Variants in WWTR1 observed in about 807,000 individuals in gnomAD.
WWTR1 encodes the protein WW domain containing transcription regulator 1, also known as WW domain-containing transcription regulator protein 1.
Under a neutral mutation model 40.1 loss-of-function variants are expected in WWTR1, and 13 were observed. That is an observed-to-expected ratio of 0.32 (90% confidence interval 0.21 to 0.52). The LOEUF (loss-of-function observed/expected upper bound fraction) is 0.52, where lower values mean the gene tolerates loss of function less well. Among genes scored for constraint, WWTR1 ranks in the 20% least tolerant of loss-of-function variants. WWTR1 has a pLI of 0.97. For missense variants in WWTR1, 436 were observed against 523.1 expected (o/e 0.83, Z 1.63); for synonymous variants, 230 against 210.1 (o/e 1.09, Z -0.82).
In WWTR1 at chr3:149,524,082, C is replaced by T. The variant is rs576128335; in HGVS notation, c.1018+1931G>A. Among the ~76,000 whole-genome samples the T allele has an allele frequency of 8.5e-5, 13 of 152,300 alleles. No homozygotes were observed. The South Asian group carries it at 1.0e-3, about 12-fold the overall frequency. ...ATCTCATGACTCCTCACAACTCTGC[C>T]GTGAGCATATCACTCCCACTTTATG... On this transcript the variant is annotated intron_variant, in intron 6 of 6. Transcript: ENST00000360632.
At chr3:149,522,021 A>ATTTT (rs1040004365) in intron 6 of WWTR1, among the ~76,000 whole-genome samples, 1 of 152,230 alleles carries the variant, frequency 6.6e-6, no homozygotes, top group Non-Finnish European at 1.5e-5. Flanking sequence ...CCTGAGAGAA[A>ATTTT]GAAAAACCCA....
chr3:149,718,979 C>A (rs1177638170), intron 4 of WWTR1, among the ~76,000 whole-genome samples: 2 of 151,774 alleles, frequency 1.3e-5, no homozygotes, highest in Non-Finnish European at 2.9e-5. Flanking sequence ...GTGCTTGTCA[C>A]CACGCCTGGC....
At chr3:149,659,331 A>ATTTTTTTTTTTTTTTTTTTTTTTTTT (rs71138403), upstream of WWTR1, 5 of 106,466 alleles carry the variant, frequency 4.7e-5, no homozygotes, top group African/African-American at 1.9e-4. Flanking sequence ...TTGTGCCTTA[A>ATTTTTTTTTTTTTTTTTTTTTTTTTT]TTTTTTTTTT....
chr3:149,656,757 T>C (rs1296088000), intron 2 of WWTR1, 119 bp downstream of exon 2: 5 of 663,212 alleles, frequency 7.5e-6, no homozygotes, highest in South Asian at 3.4e-5. Context: ...ACGCACCATC[T>C]CTCTCTTTCT....
At chr3:149,690,001 T>C (rs1714765878) in intron 1 of WWTR1, among the ~76,000 whole-genome samples, 1 of 152,196 alleles carries the variant, frequency 6.6e-6, no homozygotes, top group Non-Finnish European at 1.5e-5. Context: ...ATAGTTTTTA[T>C]TAGTTTTCCC....
At chr3:149,581,113 G>C (rs978654464) in intron 2 of WWTR1, among the ~76,000 whole-genome samples, 1 of 152,058 alleles carries the variant, frequency 6.6e-6, no homozygotes, top group African/African-American at 2.4e-5. Context: ...TTCCTCCCAC[G>C]TTGTCATTCT....
At chr3:149,667,004 C>A (rs4681536) in intron 2 of WWTR1, among the ~76,000 whole-genome samples, 59,293 of 152,002 alleles carry the variant, frequency 0.39, 11,741 homozygotes, top group Middle Eastern at 0.55. Context: ...AAATGTATAT[C>A]GAAGCTTAGT....
intron 4 of WWTR1, among the ~76,000 whole-genome samples, chr3:149,721,632 G>A (rs1715759501): frequency 6.6e-6 from 1 of 152,076 alleles, no homozygotes; most frequent in African/African-American, 2.4e-5. Context: ...ACTGGGTTAG[G>A]GTGTAATCTC....
At chr3:149,587,468 C>G (rs1423743559) in intron 2 of WWTR1, among the ~76,000 whole-genome samples, 1 of 152,158 alleles carries the variant, frequency 6.6e-6, no homozygotes, top group African/African-American at 2.4e-5. Flanking sequence ...CAGATGATTC[C>G]TTTATTTATG....
At chr3:149,682,889 C>T (rs1559840090) in intron 1 of WWTR1, among the ~76,000 whole-genome samples, 3 of 152,134 alleles carry the variant, frequency 2.0e-5, no homozygotes, top group Non-Finnish European at 4.4e-5. Context: ...AAGAAGCCAC[C>T]TTCAGTCTTC....
chr3:149,656,764 T>C (rs58118645), intron 2 of WWTR1, 112 bp downstream of exon 2: 27,753 of 448,412 alleles, frequency 0.062, 142 homozygotes, highest in Middle Eastern at 0.13. Context: ...ATCTCTCTCT[T>C]TCTCTCTCTC....
rs1408032464 is a variant in WWTR1, at chr3:149,517,385, TA to T, written c.*3419del. 1.3e-5 allele frequency: 2 copies of T among 152,232 alleles called. No homozygotes were observed. Among genetic ancestry groups the T allele is most frequent in the African/African-American group, 4.8e-5 (2 of 41,452 alleles). 9.4% of individuals were successfully genotyped at this position (152,232 alleles called of 1,614,324 possible). ...AAACTTAAAATAGAAATTTTTATAT[TA>T]CAAAACGTAGAAGTAAAATTTTAAA... On this transcript the variant is annotated 3_prime_UTR_variant, in exon 7 of 7. Coordinates refer to ENST00000360632, the MANE Select transcript of WWTR1 (RefSeq NM_015472.6).
chr3:149,661,738 T>G (rs1236392635), upstream of WWTR1, among the ~76,000 whole-genome samples: 1 of 149,326 alleles, frequency 6.7e-6, no homozygotes, highest in African/African-American at 2.5e-5. Context: ...ATAAAGTTTT[T>G]TTTTTTTTTT....
intron 4 of WWTR1, among the ~76,000 whole-genome samples, chr3:149,720,209 A>AGTTTTTGCCTTAT (rs1715722795): frequency 6.6e-6 from 1 of 152,098 alleles, no homozygotes. Context: ...CATGTCGTGA[A>AGTTTTTGCCTTAT]GTTTTTGCCT....
At chr3:149,612,774 G>A (rs911085514) in intron 2 of WWTR1, among the ~76,000 whole-genome samples, 9 of 152,038 alleles carry the variant, frequency 5.9e-5, no homozygotes, top group African/African-American at 1.5e-4. Context: ...TCCTGCACTC[G>A]TCACGTCTGT....
At position 149,682,085 on chromosome 3, in the gene WWTR1, G is replaced by C. The variant is rs141563446; in HGVS notation, c.-107-12194C>G. 3.7e-3 allele frequency among the ~76,000 whole-genome samples: 559 copies of C among 152,168 alleles called. 10 individuals are homozygous for C. Among genetic ancestry groups the C allele is most frequent in the Non-Finnish European group, 9.6e-4 (65 of 67,996 alleles). On this transcript the variant is annotated intron_variant, in intron 1 of 7. Coordinates refer to the WWTR1 transcript ENST00000465804. The stretch of plus-strand genomic sequence containing the variant: ...AAAATTAAATTTAAATGTAAAAAAA[G>C]ATCAACTTTCTGACTTGCTGTCAGG...
chr3:149,687,228 C>T (rs1714683342), intron 1 of WWTR1, among the ~76,000 whole-genome samples: 1 of 152,106 alleles, frequency 6.6e-6, no homozygotes, highest in South Asian at 2.1e-4. Flanking sequence ...AGCAACTTGC[C>T]CCGCGTGCTT....
chr3:149,615,114 T>A (rs1397098786), intron 2 of WWTR1, among the ~76,000 whole-genome samples: 2 of 152,276 alleles, frequency 1.3e-5, no homozygotes, highest in Non-Finnish European at 2.9e-5. Flanking sequence ...CTAATCTATG[T>A]GCAGACCAGC....
intron 3 of WWTR1, among the ~76,000 whole-genome samples, chr3:149,571,229 T>C (rs1161187760): frequency 7.1e-6 from 1 of 141,702 alleles, no homozygotes; most frequent in Non-Finnish European, 1.6e-5. Flanking sequence ...TTTTTTTTTT[T>C]TTTTTTTGTA....
Sources: gnomAD v4.1 joint callset for allele counts (sites outside exome capture counted in the v4.1 genomes callset) on GRCh38, gnomAD v4.1.1 for gene constraint, MANE v1.5 for transcripts, NCBI Gene and HGNC (gene_info 2026-07-23, HGNC 2026-07-21) for gene names.